Variants in RNF40 observed in about 807,000 individuals in gnomAD.
RNF40 encodes ring finger protein 40.
Under a neutral mutation model 123.3 loss-of-function variants are expected in RNF40, and 39 were observed. The ratio of observed to expected loss-of-function variants is 0.32; its 90% confidence interval spans 0.24 to 0.41. RNF40 has a LOEUF of 0.41. Ranked by LOEUF, RNF40 falls within the 10% of genes least tolerant of loss-of-function variation. The pLI is 1.00. For synonymous variants in RNF40, 538 were observed against 526.0 expected (o/e 1.02, Z -0.31); for missense variants, 1,003 against 1,319.9 (o/e 0.76, Z 3.72).
Position 30,767,952 on chromosome 16 carries a change from G to A in RNF40, c.1488G>A (p.Gln496=), listed in dbSNP as rs752043971. 1.2e-6 allele frequency: 2 copies of A among 1,614,192 alleles called. No homozygotes were observed. The highest frequency in any genetic ancestry group is 4.5e-5 in the East Asian group (2 of 44,874). Residue 496 remains glutamine (Q), a synonymous_variant, in exon 12 of 20, where the codon CAG becomes CAA. Transcript: ENST00000324685. The part of the protein sequence containing the change: ...LISSLQNHNH[Q]LKGDAQRYKR... ...GTAGTCTTCAAAACCACAACCACCAGCTAAAAGGGGACGCCCAGCGATACA... is the reference window on the plus strand; with the variant it reads ...GTAGTCTTCAAAACCACAACCACCAACTAAAAGGGGACGCCCAGCGATACA...
intron 17 of RNF40, among the ~76,000 whole-genome samples, chr16:30,770,606 T>C (rs1050006302): frequency 4.6e-5 from 7 of 152,348 alleles, no homozygotes; most frequent in African/African-American, 1.7e-4. Context: ...ATAGAAGAAA[T>C]GTCTAGCTTT....
chr16:30,761,891 G>A, upstream of RNF40: 1 of 801,082 alleles, frequency 1.2e-6, no homozygotes, highest in Admixed American at 3.0e-5. Context: ...GCGGCGGGGC[G>A]AATCCGTGGG....
rs551071952 is a variant in RNF40 at position 30,766,932 on chromosome 16, G to A, written c.1429+56G>A. ...CCTTATCTGGGAGTGCTGGGCCCTG[G>A]TGTGGGGCTGCTGCTTATCCAGATG... On this transcript the variant is annotated intron_variant, in intron 11 of 19. Coordinates refer to ENST00000324685, the MANE Select transcript of RNF40 (RefSeq NM_014771.4). The surrounding 1 kb of genome is among the most constrained non-coding windows in gnomAD (Gnocchi z 5.4). 356 of 1,587,844 alleles carry A rather than the reference G, an allele frequency of 2.2e-4. No homozygotes were observed. The African/African-American group carries it at 4.2e-3, about 19-fold the overall frequency.
chr16:30,769,532 G>A lies in RNF40; in HGVS notation c.2518G>A (p.Gly840Ser). 1 of 1,612,746 alleles carries A rather than the reference G, an allele frequency of 6.2e-7. No individual in the cohort carries two copies. Among genetic ancestry groups the A allele is most frequent in the Non-Finnish European group, 8.5e-7 (1 of 1,179,198 alleles). ...KLEEKERALQ[G>S]SLGGVEKELT... The stretch of plus-strand genomic sequence containing the variant: ...AGAGGAGAAGGAGCGAGCCTTGCAG[G>A]GCAGCCTCGGGGGTGTGGAGAAGGA... Residue 840 changes from glycine (G) to serine (S), a missense_variant, in exon 17 of 20, where the codon GGC becomes AGC. Transcript: ENST00000324685.
intron 6 of RNF40, 37 bp downstream of exon 6, chr16:30,765,096 C>T: frequency 6.2e-7 from 1 of 1,611,908 alleles, no homozygotes; most frequent in Middle Eastern, 1.7e-4. Context: ...TGATTAGAAT[C>T]AGGCAGGATT....
intron 3 of RNF40, 52 bp from the exon 4 acceptor site, chr16:30,763,366 T>C (rs1033487337): frequency 3.4e-5 from 55 of 1,605,052 alleles, no homozygotes; most frequent in Middle Eastern, 3.3e-4. Context: ...AGGAGTATCA[T>C]GTTGGAAAGC....
chr16:30,761,876 G>A, upstream of RNF40: 1 of 965,414 alleles, frequency 1.0e-6, no homozygotes, highest in Non-Finnish European at 1.5e-6. Context: ...TACGCGCGGA[G>A]AGGCGCGGCG....
intron 17 of RNF40, 109 bp downstream of exon 17, chr16:30,769,709 C>T (rs1596758034): frequency 1.7e-6 from 2 of 1,207,960 alleles, no homozygotes; most frequent in Admixed American, 2.9e-5. Flanking sequence ...GCCAGGCTGT[C>T]ACAGAACAGC....
rs2054201767 is a variant in RNF40, at chr16:30,774,547, T to C, written c.*433T>C. 4 of 222,602 alleles carry C rather than the reference T, an allele frequency of 1.8e-5. No homozygotes were observed. Among genetic ancestry groups the C allele is most frequent in the Non-Finnish European group, 3.6e-5 (4 of 109,830 alleles). 13.8% of individuals were successfully genotyped at this position (222,602 alleles called of 1,614,324 possible). On this transcript the variant is annotated 3_prime_UTR_variant, in exon 20 of 20. Coordinates refer to ENST00000324685, the MANE Select transcript of RNF40 (RefSeq NM_014771.4). ...CAGTGAGCCATGTCCTTGTTCCTTG[T>C]TTGAGACTGGGCTGCAGGCCCCAGG...
At position 30,771,964 on chromosome 16, in the gene RNF40, G is replaced by A. The variant is rs1312609263; in HGVS notation, c.2718G>A (p.Lys906=). The A allele has an allele frequency of 2.5e-6, 4 of 1,595,022 alleles. No homozygotes were observed. The African/African-American group carries it at 5.4e-5, about 21-fold the overall frequency. The part of the protein sequence containing the change: ...AAREKESFNL[K]RAQEDISRLR... ...GTGAGAAAGAGAGCTTCAACCTCAAGAGGGCTCAGGTGTGTGCAGGGGTGA... is the reference window on the plus strand; with the variant it reads ...GTGAGAAAGAGAGCTTCAACCTCAAAAGGGCTCAGGTGTGTGCAGGGGTGA... Residue 906 remains lysine, a synonymous_variant, in exon 18 of 20, where the codon AAG becomes AAA. Coordinates refer to ENST00000324685, the MANE Select transcript of RNF40 (RefSeq NM_014771.4).
At position 30,774,776 on chromosome 16, in the gene RNF40, C is replaced by T; in HGVS notation, c.*662C>T. ...CTTGCAGGTGCTGAACCAACATCAT[C>T]AGTTTCTATTCTAATCAGGCCCCTT... On this transcript the variant is annotated 3_prime_UTR_variant, in exon 20 of 20. Transcript: ENST00000324685. 1 of 349,440 alleles carries T rather than the reference C, an allele frequency of 2.9e-6. No homozygotes were observed. The highest frequency in any genetic ancestry group is 7.8e-5 in the East Asian group (1 of 12,782). The allele number at this position is 349,440 out of a possible 1,614,324, so 21.6% of individuals were successfully genotyped here.
At chr16:30,772,525 C>T (rs531218504) in intron 19 of RNF40, among the ~76,000 whole-genome samples, 3 of 152,316 alleles carry the variant, frequency 2.0e-5, no homozygotes, top group South Asian at 4.1e-4. Flanking sequence ...AGGGGAGGCC[C>T]TTCCCCTGGC....
upstream of RNF40, chr16:30,762,287 GC>G (rs2053859347): frequency 2.1e-6 from 1 of 475,806 alleles, no homozygotes; most frequent in Non-Finnish European, 3.7e-6. Context: ...TGGGGGGGGG[GC>G]AGTGGCGTCC....
At chr16:30,762,232 C>G, upstream of RNF40, 1 of 386,450 alleles carries the variant, frequency 2.6e-6, no homozygotes, top group Non-Finnish European at 4.6e-6. Context: ...AAAGAAGTTT[C>G]CTCACATCCG....
chr16:30,761,637 A>G (rs1262397575), upstream of RNF40: 1 of 1,535,898 alleles, frequency 6.5e-7, no homozygotes, highest in Non-Finnish European at 8.7e-7. Context: ...CGCGCGGCCG[A>G]CCCATGCACT....
intron 11 of RNF40, among the ~76,000 whole-genome samples, chr16:30,767,450 C>T (rs1018294456): frequency 6.6e-6 from 1 of 151,454 alleles, no homozygotes; most frequent in Admixed American, 6.6e-5. Flanking sequence ...AGTTAACTAA[C>T]TTTTGTGAAT....
chr16:30,771,784 G>A (rs2054152258), intron 17 of RNF40, 49 bp from the exon 18 acceptor site: 1 of 1,512,912 alleles, frequency 6.6e-7, no homozygotes, highest in African/African-American at 1.4e-5. Flanking sequence ...CCACATGCCT[G>A]AGTCACCAGG....
intron 4 of RNF40, 24 bp downstream of exon 4, chr16:30,763,583 GGGGAGCTT>G: frequency 6.2e-7 from 1 of 1,612,888 alleles, no homozygotes; most frequent in Non-Finnish European, 8.5e-7. Context: ...GCTGGGATCT[GGGGAGCTT>G]AAGTTCTGGG....
chr16:30,769,148 T>C (rs1202090252), intron 15 of RNF40, 38 bp from the exon 16 acceptor site: 2 of 1,609,172 alleles, frequency 1.2e-6, no homozygotes, highest in African/African-American at 2.7e-5. Context: ...TCCTGTCCAC[T>C]TCCCACGTTC....
Sources: allele counts gnomAD v4.1 joint callset (sites outside exome capture counted in the v4.1 genomes callset), GRCh38; gene constraint gnomAD v4.1.1; non-coding constraint Gnocchi (gnomAD v3.1); transcripts MANE v1.5; gene names NCBI Gene and HGNC (gene_info 2026-07-23, HGNC 2026-07-21).